The following ITFG2 variants were observed in gnomAD, a reference collection of about 807,000 sequenced individuals.
The protein encoded by ITFG2 is integrin alpha FG-GAP repeat containing 2, also known as KICSTOR complex protein ITFG2.
Under a neutral mutation model 54.4 loss-of-function variants are expected in ITFG2, and 36 were observed. The observed-to-expected ratio is 0.66, with a 90% CI of 0.51 to 0.87. ITFG2 has a LOEUF of 0.87. Ranked by LOEUF, ITFG2 falls within the 40% of genes least tolerant of loss-of-function variation. The pLI is 0.00. For synonymous variants in ITFG2, 211 were observed against 225.4 expected, an observed-to-expected ratio of 0.94 and a Z score of 0.57; for missense variants, 524 against 576.7, an observed-to-expected ratio of 0.91 and a Z score of 0.94.
At chr12:2,833,293 C>T (rs553763009), upstream of ITFG2, among the ~76,000 whole-genome samples, 13 of 152,250 alleles carry the variant, frequency 8.5e-5, no homozygotes, top group South Asian at 4.1e-4. Context: ...AGCCGAAGAA[C>T]CCGCTTCCCT....
upstream of ITFG2, among the ~76,000 whole-genome samples, chr12:2,836,176 T>C: frequency 6.6e-6 from 1 of 152,260 alleles, no homozygotes; most frequent in East Asian, 1.9e-4. Context: ...TATACAGCTT[T>C]GCCTTTTTGG....
downstream of ITFG2, chr12:2,827,919 GA>G: frequency 6.2e-7 from 1 of 1,613,948 alleles, no homozygotes; most frequent in South Asian, 1.1e-5. This position sits in a 1 kb window ranked among gnomAD's most constrained non-coding sequence, Gnocchi z 4.0. Flanking sequence ...CAGAAGGGGG[GA>G]CTTACCCACC....
chr12:2,824,020 C>G (rs2097955495), intron 11 of ITFG2, 70 bp from the exon 12 acceptor site: 1 of 1,613,188 alleles, frequency 6.2e-7, no homozygotes, highest in South Asian at 1.1e-5. Flanking sequence ...GTGGGTGAGT[C>G]CCAGAAAAGC....
intron 1 of ITFG2, among the ~76,000 whole-genome samples, chr12:2,837,343 TGG>T (rs918403246): frequency 1.3e-5 from 2 of 152,062 alleles, no homozygotes; most frequent in African/African-American, 4.8e-5. Context: ...CCGGGCGCGG[TGG>T]CAGGCGCCTG....
intron 2 of ITFG2, among the ~76,000 whole-genome samples, chr12:2,855,728 C>T (rs2098085167): frequency 6.6e-6 from 1 of 152,182 alleles, no homozygotes; most frequent in Admixed American, 6.5e-5. Flanking sequence ...TCACTCTTTA[C>T]CTTCACCTCC....
chr12:2,855,987 T>A (rs1380474438), intron 2 of ITFG2, among the ~76,000 whole-genome samples: 1 of 152,044 alleles, frequency 6.6e-6, no homozygotes, highest in African/African-American at 2.4e-5. Flanking sequence ...CCACTCCTCA[T>A]TAAAACGCTA....
intron 2 of ITFG2, among the ~76,000 whole-genome samples, chr12:2,848,877 GCACACACACACACA>G (rs3056877): frequency 3.6e-5 from 5 of 140,272 alleles, no homozygotes; most frequent in Admixed American, 1.4e-4. Flanking sequence ...ACACACACAC[GCACACACACACACA>G]CACACACACA....
chr12:2,813,370 G>T lies in ITFG2; in HGVS notation c.96+514G>T, dbSNP rs567793261. 3.3e-5 allele frequency among the ~76,000 whole-genome samples: 5 copies of T among 152,232 alleles called. No homozygotes were observed. In the South Asian group the frequency reaches 1.0e-3, roughly 32 times the overall value. ...CAGTTTAGTGCTCACTTAAGTGTTAGTGGTGGTGGTGGTGGTGTTAGTATT... is the reference window on the plus strand; with the variant it reads ...CAGTTTAGTGCTCACTTAAGTGTTATTGGTGGTGGTGGTGGTGTTAGTATT... On this transcript the variant is annotated intron_variant, in intron 1 of 11. Transcript: ENST00000228799.
intron 2 of ITFG2, chr12:2,830,679 T>C: frequency 6.3e-7 from 1 of 1,590,792 alleles, no homozygotes; most frequent in Non-Finnish European, 8.6e-7. Flanking sequence ...GGGTTGTTAA[T>C]GAAAGTGTGT....
chr12:2,838,718 C>T (rs1042804909), intron 1 of ITFG2, among the ~76,000 whole-genome samples: 3 of 152,174 alleles, frequency 2.0e-5, no homozygotes, highest in Non-Finnish European at 4.4e-5. Flanking sequence ...GCAGACTCCG[C>T]AGTAAGGAGA....
intron 2 of ITFG2, among the ~76,000 whole-genome samples, chr12:2,846,186 C>T (rs2098052942): frequency 6.6e-6 from 1 of 152,144 alleles, no homozygotes; most frequent in Non-Finnish European, 1.5e-5. Flanking sequence ...GAGAGCAGGG[C>T]TGGAAGGTGG....
intron 2 of ITFG2, among the ~76,000 whole-genome samples, chr12:2,855,911 G>C (rs567910511): frequency 6.6e-6 from 1 of 152,142 alleles, no homozygotes; most frequent in South Asian, 2.1e-4. Context: ...CCAGAAAATA[G>C]GGCCAGGGGT....
At chr12:2,827,578 C>G, downstream of ITFG2, 1 of 1,613,736 alleles carries the variant, frequency 6.2e-7, no homozygotes, top group Non-Finnish European at 8.5e-7. The surrounding 1 kb of genome is among the most constrained non-coding windows in gnomAD (Gnocchi z 4.0). Flanking sequence ...GTGCCTTCTA[C>G]TACTTTTTCC....
chr12:2,812,748 TCTTGGAGGTG>T lies in ITFG2; in HGVS notation c.-11_-2del. 1 of 1,597,826 alleles carries T rather than the reference TCTTGGAGGTG, an allele frequency of 6.3e-7. No homozygotes were observed. Among genetic ancestry groups the T allele is most frequent in the East Asian group, 2.3e-5 (1 of 44,358 alleles). On this transcript the variant is annotated 5_prime_UTR_variant, in exon 1 of 12. Coordinates refer to ENST00000228799, the MANE Select transcript of ITFG2 (RefSeq NM_018463.4). Reference sequence around the variant, plus strand: ...TACTGGGCCTCTCCGCTCCCTCTGCTCTTGGAGGTGCCATGAGGTCAGTTAGCTACGTGCA... The same window carrying T: ...TACTGGGCCTCTCCGCTCCCTCTGCTCCATGAGGTCAGTTAGCTACGTGCA...
At chr12:2,855,102 G>C (rs1028333648) in intron 2 of ITFG2, 2 of 1,535,484 alleles carry the variant, frequency 1.3e-6, no homozygotes, top group Admixed American at 2.0e-5. Context: ...AGGGAGGGGG[G>C]ATGGGGTGCT....
intron 9 of ITFG2, 87 bp from the exon 10 acceptor site, chr12:2,822,707 G>T: frequency 8.7e-7 from 1 of 1,145,350 alleles, no homozygotes. Context: ...CGAACCCACG[G>T]GTGAAATTCC....
chr12:2,845,888 G>A lies in ITFG2; in HGVS notation n.300+4893G>A, dbSNP rs752245855. Among the ~76,000 whole-genome samples the A allele has an allele frequency of 1.4e-4, 21 of 151,858 alleles. No homozygotes were observed. The highest frequency in any genetic ancestry group is 2.4e-4 in the Non-Finnish European group (16 of 67,996). On this transcript the variant is annotated intron_variant and non_coding_transcript_variant, in intron 2 of 3. Coordinates refer to the ITFG2 transcript ENST00000537710. The surrounding 1 kb of genome is among the most constrained non-coding windows in gnomAD (Gnocchi z 4.2). Reference sequence around the variant, plus strand: ...ATTTTCTTTTTCTTTTTTTTGTTGAGTTAGGGTCTCACTGTATTCCCCAGG... The same window carrying A: ...ATTTTCTTTTTCTTTTTTTTGTTGAATTAGGGTCTCACTGTATTCCCCAGG...
At chr12:2,820,249 A>G in intron 5 of ITFG2, 24 bp downstream of exon 5, 1 of 1,558,904 alleles carries the variant, frequency 6.4e-7, no homozygotes, top group South Asian at 1.2e-5. Flanking sequence ...TCTGGGGAAC[A>G]AGGCCCCAGG....
chr12:2,818,753 C>G (rs906230448), intron 4 of ITFG2: 1 of 184,988 alleles, frequency 5.4e-6, no homozygotes, highest in Non-Finnish European at 1.1e-5. Flanking sequence ...CGTGATGGCT[C>G]ATCCCTATAA....
Sources: allele counts gnomAD v4.1 joint callset (sites outside exome capture counted in the v4.1 genomes callset), GRCh38; gene constraint gnomAD v4.1.1; non-coding constraint Gnocchi (gnomAD v3.1); transcripts MANE v1.5; gene names NCBI Gene and HGNC (gene_info 2026-07-23, HGNC 2026-07-21).